CTNNAL1: variants seen among roughly 807,000 people sequenced by gnomAD.
CTNNAL1 encodes the protein catenin alpha like 1.
CTNNAL1 carries 69 observed loss-of-function variants against 93.6 expected under a neutral mutation model. The ratio of observed to expected loss-of-function variants is 0.74; its 90% CI spans 0.61 to 0.90. The LOEUF is 0.90. Among genes scored for constraint, CTNNAL1 ranks in the 40% least tolerant of loss-of-function variants. CTNNAL1 has a pLI of 0.00. For missense variants in CTNNAL1, 836 were observed against 862.0 expected (o/e 0.97, Z 0.38); for synonymous variants, 286 against 305.4 (o/e 0.94, Z 0.66).
intron 14 of CTNNAL1, chr9:108,950,642 C>A: frequency 6.5e-7 from 1 of 1,543,792 alleles, no homozygotes; most frequent in Non-Finnish European, 8.7e-7. Context: ...TCCCTCACTT[C>A]TGTCTGCTGC....
intron 17 of CTNNAL1, 75 bp downstream of exon 17, chr9:108,943,628 C>G: frequency 8.0e-7 from 1 of 1,253,166 alleles, no homozygotes; most frequent in Non-Finnish European, 1.1e-6. Context: ...TGGGTACTAA[C>G]AGTTTATTTG....
chr9:108,965,579 G>C, intron 10 of CTNNAL1, 51 bp from the exon 11 acceptor site: 5 of 1,118,172 alleles, frequency 4.5e-6, no homozygotes, highest in Non-Finnish European at 6.0e-6. Context: ...TTAGCCCTCA[G>C]AATCACTTTG....
At chr9:109,003,263 G>C (rs1481295492) in intron 1 of CTNNAL1, among the ~76,000 whole-genome samples, 1 of 152,220 alleles carries the variant, frequency 6.6e-6, no homozygotes, top group Admixed American at 6.5e-5. Context: ...AAAGAGACTT[G>C]TGGGTGTGGG....
rs79268198 is a variant in CTNNAL1 at position 108,993,174 on chromosome 9, G to A, written c.332-355C>T. Among the ~76,000 whole-genome samples, 1,219 of 152,234 alleles carry A rather than the reference G, an allele frequency of 8.0e-3. 12 individuals carry two copies. Among genetic ancestry groups the A allele is most frequent in the Non-Finnish European group, 0.014 (938 of 68,026 alleles). Reference sequence around the variant, plus strand: ...AAAACCAAAGAATACCCTAAAACCCGAGCAGTAAGCAGGTGCCAAGGCTTG... The same window carrying A: ...AAAACCAAAGAATACCCTAAAACCCAAGCAGTAAGCAGGTGCCAAGGCTTG... On this transcript the variant is annotated intron_variant, in intron 2 of 18. Transcript: ENST00000325551.
chr9:108,975,674 G>A (rs1831247290), intron 8 of CTNNAL1, among the ~76,000 whole-genome samples: 1 of 152,144 alleles, frequency 6.6e-6, no homozygotes, highest in Admixed American at 6.6e-5. Flanking sequence ...ATTTTCAACT[G>A]AGATTATGTT....
chr9:108,953,085 A>G (rs1002339246), intron 12 of CTNNAL1, among the ~76,000 whole-genome samples: 1 of 152,200 alleles, frequency 6.6e-6, no homozygotes, highest in Non-Finnish European at 1.5e-5. Context: ...TGAATTTAAT[A>G]TGTGAACCAA....
At chr9:108,986,681 C>T (rs1831618853) in intron 4 of CTNNAL1, among the ~76,000 whole-genome samples, 1 of 151,862 alleles carries the variant, frequency 6.6e-6, no homozygotes, top group Admixed American at 6.6e-5. Flanking sequence ...ACATCCTCTC[C>T]AGCACCTGTT....
At position 108,979,321 on chromosome 9, in the gene CTNNAL1, C is replaced by A. The variant is rs757998175; in HGVS notation, c.1061G>T (p.Arg354Ile). 1 of 1,614,172 alleles carries A rather than the reference C, an allele frequency of 6.2e-7. No homozygotes were observed. The highest frequency in any genetic ancestry group is 8.5e-7 in the Non-Finnish European group (1 of 1,180,022). ...AGAAATTAACTGCTGCAGTTCCATT[C>A]TCGCCTGAGTTGACAGTTCCAAGAT... is the stretch of plus-strand genomic sequence containing the variant. ...ERILELSTQA[R>I]MELQQLISVW... The change falls in exon 7 of 19, where the codon AGA becomes ATA. Residue 354 changes from arginine (R) to isoleucine (I), a missense_variant. Coordinates refer to ENST00000325551, the MANE Select transcript of CTNNAL1 (RefSeq NM_003798.4).
Position 108,952,316 on chromosome 9 carries a change from G to A in CTNNAL1, c.1728C>T (p.Thr576=), listed in dbSNP as rs1830585188. 1.2e-6 allele frequency: 2 copies of A among 1,614,090 alleles called. No individual in the cohort carries two copies. The highest frequency in any genetic ancestry group is 2.2e-5 in the East Asian group (1 of 44,886). Residue 576 remains threonine (T), a synonymous_variant, in exon 14 of 19, where the codon ACC becomes ACT. Coordinates refer to ENST00000325551, the MANE Select transcript of CTNNAL1 (RefSeq NM_003798.4). The part of the protein sequence containing the change: ...AKLGLKLGLL[T]SDADCEIEKW... ...TCTCAATTTCGCAGTCAGCGTCAGA[G>A]GTGAGCAAACCCAGCTTAAGTCCAA...
rs1830538410 is a variant in CTNNAL1 at position 108,950,723 on chromosome 9, TA to T, written c.1835+1485del. Reference sequence around the variant, plus strand: ...AGTCTTTCTGGTGACTTTGCAAAAATAAATTGAACACATTAACCCTTTCTTT... The same window carrying T: ...AGTCTTTCTGGTGACTTTGCAAAAATAATTGAACACATTAACCCTTTCTTT... On this transcript the variant is annotated intron_variant, in intron 14 of 18. Coordinates refer to ENST00000325551, the MANE Select transcript of CTNNAL1 (RefSeq NM_003798.4). The T allele has an allele frequency of 3.3e-6, 4 of 1,230,690 alleles. No individual in the cohort carries two copies. The South Asian group carries it at 6.3e-5, about 19-fold the overall frequency. The allele number at this position is 1,230,690 out of a possible 1,614,324, so 76.2% of individuals were successfully genotyped here. A position where few individuals can be genotyped will look rare whatever the true frequency, so the allele number is the denominator to read the frequency against.
intron 10 of CTNNAL1, among the ~76,000 whole-genome samples, chr9:108,968,749 A>G (rs1831027456): frequency 6.6e-6 from 1 of 152,218 alleles, no homozygotes. Flanking sequence ...TGATTCTCCT[A>G]GAGGGCACAC....
chr9:108,972,064 G>C (rs1353084490), intron 9 of CTNNAL1, among the ~76,000 whole-genome samples: 1 of 152,196 alleles, frequency 6.6e-6, no homozygotes, highest in African/African-American at 2.4e-5. Context: ...GAGCAGGACT[G>C]AGGAGAGAAT....
At chr9:108,991,053 T>C (rs1019626829) in intron 3 of CTNNAL1, among the ~76,000 whole-genome samples, 4 of 152,156 alleles carry the variant, frequency 2.6e-5, no homozygotes, top group African/African-American at 2.4e-5. Context: ...TTTGTTTATA[T>C]GATGAGATTT....
At chr9:108,971,317 A>G (rs28361147) in intron 9 of CTNNAL1, among the ~76,000 whole-genome samples, 2,727 of 152,330 alleles carry the variant, frequency 0.018, 32 homozygotes, top group Non-Finnish European at 0.025. Flanking sequence ...GATGGTTCAT[A>G]TCTGTGCATT....
chr9:108,993,973 T>C (rs1831914033), intron 2 of CTNNAL1, among the ~76,000 whole-genome samples: 1 of 152,200 alleles, frequency 6.6e-6, no homozygotes, highest in South Asian at 2.1e-4. Flanking sequence ...CTCACACCTG[T>C]AATCCTAGCA....
intron 1 of CTNNAL1, among the ~76,000 whole-genome samples, chr9:109,000,378 A>G (rs1223290530): frequency 1.3e-5 from 2 of 152,220 alleles, no homozygotes; most frequent in Non-Finnish European, 2.9e-5. Context: ...ACACTATCAT[A>G]TCCCAAATAA....
chr9:108,974,938 G>A (rs927525736), intron 8 of CTNNAL1, among the ~76,000 whole-genome samples: 3 of 152,098 alleles, frequency 2.0e-5, no homozygotes, highest in Non-Finnish European at 4.4e-5. Flanking sequence ...CAGGGCAGGT[G>A]GATCGTTTGA....
At chr9:108,982,506 G>A (rs1399931144) in intron 6 of CTNNAL1, among the ~76,000 whole-genome samples, 1 of 152,100 alleles carries the variant, frequency 6.6e-6, no homozygotes. Flanking sequence ...CCTATGGATG[G>A]TACTGCTCAA....
intron 1 of CTNNAL1, among the ~76,000 whole-genome samples, chr9:109,011,522 T>C (rs1050636211): frequency 1.3e-5 from 2 of 152,222 alleles, no homozygotes; most frequent in Non-Finnish European, 2.9e-5. Context: ...CTGATACATT[T>C]TTAGCAGTGG....
Sources: allele counts gnomAD v4.1 joint callset (sites outside exome capture counted in the v4.1 genomes callset), GRCh38; gene constraint gnomAD v4.1.1; transcripts MANE v1.5; gene names NCBI Gene and HGNC (gene_info 2026-07-23, HGNC 2026-07-21).